Variants in CLDN14 observed in about 807,000 individuals in gnomAD.
CLDN14 encodes the protein claudin-14.
Under a neutral mutation model 2.1 loss-of-function variants are expected in CLDN14, and 2 were observed. The ratio of observed to expected loss-of-function variants is 0.96; its 90% CI spans 0.39 to 3.01. The LOEUF (loss-of-function observed/expected upper bound fraction) is 3.01, where lower values mean the gene tolerates loss of function less well. Among genes scored for constraint, CLDN14 ranks in the 30% most tolerant of loss-of-function variants. The pLI, the probability that CLDN14 is intolerant of heterozygous loss-of-function variation, is 0.09. For synonymous variants in CLDN14, 136 were observed against 154.4 expected (o/e 0.88, Z 0.88); for missense variants, 298 against 328.0 (o/e 0.91, Z 0.71).
chr21:36,482,364 A>G (rs1370707244), upstream of CLDN14, among the ~76,000 whole-genome samples: 4 of 122,874 alleles, frequency 3.3e-5, no homozygotes, highest in South Asian at 2.6e-4. Flanking sequence ...ATGGATGGAT[A>G]GACTGACGGA....
Position 36,477,971 on chromosome 21 carries a change from C to T in CLDN14, c.-82+1524G>A, listed in dbSNP as rs1431482539. On this transcript the variant is annotated intron_variant, in intron 1 of 1. Transcript: ENST00000399135. ...CTGAACTGGCAAGGCTGGCCACCTG[C>T]GTTTTAAAAACACATTGGCACTAGC... 2.0e-5 allele frequency among the ~76,000 whole-genome samples: 3 copies of T among 152,208 alleles called. No individual in the cohort carries two copies. The East Asian group carries it at 5.8e-4, about 29-fold the overall frequency.
intron 1 of CLDN14, among the ~76,000 whole-genome samples, chr21:36,512,327 G>A (rs1224151770): frequency 6.6e-6 from 1 of 152,192 alleles, no homozygotes; most frequent in Non-Finnish European, 1.5e-5. Context: ...TTCACCTGAG[G>A]CAGTCAGAAG....
At chr21:36,485,865 T>C (rs1030038857) in intron 2 of CLDN14, 8 of 554,912 alleles carry the variant, frequency 1.4e-5, no homozygotes, top group African/African-American at 3.8e-5. Context: ...TTTTTTTTTT[T>C]TTATGTTGCC....
intron 1 of CLDN14, among the ~76,000 whole-genome samples, chr21:36,475,801 G>C (rs1166849515): frequency 1.3e-5 from 2 of 151,896 alleles, no homozygotes; most frequent in East Asian, 3.9e-4. Flanking sequence ...CCAGGCTGGA[G>C]CACAGTAGGA....
chr21:36,539,360 T>A, intron 1 of CLDN14, among the ~76,000 whole-genome samples: 1 of 148,312 alleles, frequency 6.7e-6, no homozygotes, highest in East Asian at 2.0e-4. Context: ...GTGGAGTGAG[T>A]GTATGTGCGG....
At chr21:36,524,797 G>A (rs1340430123) in intron 1 of CLDN14, among the ~76,000 whole-genome samples, 1 of 152,226 alleles carries the variant, frequency 6.6e-6, no homozygotes, top group Admixed American at 6.5e-5. Context: ...TGCCTGGTAT[G>A]CTCTGCCGGG....
At chr21:36,469,313 ACTTT>A (rs2146428793) in intron 1 of CLDN14, among the ~76,000 whole-genome samples, 1 of 129,504 alleles carries the variant, frequency 7.7e-6, no homozygotes, top group Admixed American at 7.8e-5. Flanking sequence ...ACTATTCCAA[ACTTT>A]CTGTAACTTT....
At chr21:36,511,918 A>T (rs1384374807) in intron 1 of CLDN14, among the ~76,000 whole-genome samples, 2 of 152,164 alleles carry the variant, frequency 1.3e-5, no homozygotes, top group Non-Finnish European at 2.9e-5. Flanking sequence ...AATCTATTTT[A>T]TGTAGCTGTG....
intron 1 of CLDN14, among the ~76,000 whole-genome samples, chr21:36,525,291 G>A (rs572360803): frequency 6.6e-6 from 1 of 152,232 alleles, no homozygotes; most frequent in South Asian, 2.1e-4. Flanking sequence ...GGGGACTCTG[G>A]GGCAGGAGGG....
intron 1 of CLDN14, among the ~76,000 whole-genome samples, chr21:36,472,101 A>C (rs1274030398): frequency 6.6e-6 from 1 of 152,218 alleles, no homozygotes; most frequent in Non-Finnish European, 1.5e-5. Flanking sequence ...TGCCATCTTT[A>C]TTTACAGATA....
At position 36,498,933 on chromosome 21, in the gene CLDN14, T is replaced by C. The variant is rs544308449; in HGVS notation, c.-82+11430A>G. Among the ~76,000 whole-genome samples the C allele has an allele frequency of 6.6e-5, 10 of 152,114 alleles. No individual in the cohort carries two copies. Among genetic ancestry groups the C allele is most frequent in the South Asian group, 2.1e-4 (1 of 4,818 alleles). On this transcript the variant is annotated intron_variant, in intron 2 of 2. Transcript: ENST00000342108. This position sits in a 1 kb window ranked among gnomAD's most constrained non-coding sequence, Gnocchi z 4.9. ...TTCTAGGTGGTTCGCTCAGCAAGGGTACTTTTTGTAATTCAGCCACCCAGA... is the reference window on the plus strand; with the variant it reads ...TTCTAGGTGGTTCGCTCAGCAAGGGCACTTTTTGTAATTCAGCCACCCAGA...
intron 1 of CLDN14, among the ~76,000 whole-genome samples, chr21:36,475,349 T>A (rs1161154889): frequency 1.3e-5 from 2 of 152,166 alleles, no homozygotes; most frequent in African/African-American, 4.8e-5. Context: ...GGTCTGTTCA[T>A]CGTGGAGAAG....
chr21:36,490,928 GCA>G (rs1490773162), intron 2 of CLDN14, among the ~76,000 whole-genome samples: 3 of 147,966 alleles, frequency 2.0e-5, no homozygotes, highest in East Asian at 2.0e-4. Context: ...ACACGTGTGG[GCA>G]CACACATGCA....
chr21:36,479,675 G>GCGT lies in CLDN14; in HGVS notation c.-263_-262insACG, dbSNP rs1379995054. ...AGGACGGAGTATTTGAGAGAAAATT[G>GCGT]TCTAGACAATTACAGTGTTCCTTAG... On this transcript the variant is annotated 5_prime_UTR_variant, in exon 1 of 2. Coordinates refer to ENST00000399135, the MANE Select transcript of CLDN14 (RefSeq NM_001146079.2). The GCGT allele has an allele frequency of 6.6e-6, 1 of 152,224 alleles. No individual in the cohort carries two copies. The highest frequency in any genetic ancestry group is 1.9e-4 in the East Asian group (1 of 5,198). The allele number at this position is 152,224 out of a possible 1,614,324, so 9.4% of individuals were successfully genotyped here.
chr21:36,524,805 G>A (rs529818547), intron 1 of CLDN14, among the ~76,000 whole-genome samples: 54 of 152,178 alleles, frequency 3.5e-4, no homozygotes, highest in Non-Finnish European at 7.2e-4. Context: ...ATGCTCTGCC[G>A]GGCTGTGACT....
intron 1 of CLDN14, among the ~76,000 whole-genome samples, chr21:36,530,288 G>A (rs1314758311): frequency 6.6e-6 from 1 of 152,042 alleles, no homozygotes; most frequent in Non-Finnish European, 1.5e-5. Context: ...GAGTGTGTCG[G>A]GGATGGGGAC....
intron 1 of CLDN14, among the ~76,000 whole-genome samples, chr21:36,572,254 G>C (rs1302133225): frequency 6.6e-6 from 1 of 152,116 alleles, no homozygotes; most frequent in East Asian, 1.9e-4. Flanking sequence ...AATCTGTGCA[G>C]GGGGCTTGTG....
rs1224084137 is a variant in CLDN14, at chr21:36,515,210, A to G, written c.-219-4710T>C. ...GCCCAGCAATTCCGCTGCTGGATAC[A>G]TGCCCAAAAGAGTGAACGCAGAGAC... is the stretch of plus-strand genomic sequence containing the variant. On this transcript the variant is annotated intron_variant, in intron 1 of 2. Coordinates refer to the CLDN14 transcript ENST00000342108. 4.6e-5 allele frequency among the ~76,000 whole-genome samples: 7 copies of G among 152,230 alleles called. No individual in the cohort carries two copies. The East Asian group carries it at 1.2e-3, about 25-fold the overall frequency.
At chr21:36,568,714 G>C (rs1337130995) in intron 1 of CLDN14, among the ~76,000 whole-genome samples, 1 of 152,148 alleles carries the variant, frequency 6.6e-6, no homozygotes, top group Non-Finnish European at 1.5e-5. Context: ...CACAGAGTGA[G>C]ACCCTGTCCC....
Sources: gnomAD v4.1 joint callset for allele counts (sites outside exome capture counted in the v4.1 genomes callset) on GRCh38, gnomAD v4.1.1 for gene constraint, Gnocchi (gnomAD v3.1) non-coding constraint, MANE v1.5 for transcripts, NCBI Gene and HGNC (gene_info 2026-07-23, HGNC 2026-07-21) for gene names.